CCSER1: variants seen among roughly 807,000 people sequenced by gnomAD.
CCSER1 encodes serine-rich coiled-coil domain-containing protein 1.
CCSER1 carries 41 observed loss-of-function variants against 82.0 expected under a neutral mutation model. The observed-to-expected ratio is 0.50, with a 90% CI of 0.39 to 0.65. CCSER1 has a LOEUF of 0.65. Ranked by LOEUF, CCSER1 falls within the 30% of genes least tolerant of loss-of-function variation. CCSER1 has a pLI of 0.00. For missense variants in CCSER1, 1,119 were observed against 1,064.2 expected (o/e 1.05, Z -0.72); for synonymous variants, 414 against 383.9 (o/e 1.08, Z -0.92).
intron 10 of CCSER1, among the ~76,000 whole-genome samples, chr4:91,193,384 A>T (rs956072857): frequency 2.0e-5 from 3 of 152,216 alleles, no homozygotes; most frequent in Admixed American, 2.0e-4. Flanking sequence ...TGTTCATAAT[A>T]TTGTGAACAT....
intron 10 of CCSER1, among the ~76,000 whole-genome samples, chr4:91,206,769 T>A (rs551095070): frequency 3.9e-5 from 6 of 152,016 alleles, no homozygotes; most frequent in African/African-American, 9.6e-5. Flanking sequence ...AGCCAGACTC[T>A]GTCCTGTTTC....
At chr4:90,327,224 A>C (rs10440368) in intron 3 of CCSER1, among the ~76,000 whole-genome samples, 102,986 of 152,008 alleles carry the variant, frequency 0.68, 36,832 homozygotes, top group African/African-American at 0.91. Context: ...TCTCCTCAAA[A>C]TATCTGTTCT....
At chr4:90,470,159 A>G (rs1454708497) in intron 5 of CCSER1, among the ~76,000 whole-genome samples, 2 of 152,094 alleles carry the variant, frequency 1.3e-5, no homozygotes, top group Admixed American at 6.6e-5. Flanking sequence ...AAATCTTGGT[A>G]TGTTTTCTTC....
At chr4:91,499,392 C>T (rs946908613) in intron 10 of CCSER1, among the ~76,000 whole-genome samples, 4 of 151,902 alleles carry the variant, frequency 2.6e-5, no homozygotes, top group Admixed American at 2.0e-4. Context: ...ATAATCCCTG[C>T]CCCTACACGT....
At chr4:91,205,314 G>A (rs1404477279) in intron 10 of CCSER1, among the ~76,000 whole-genome samples, 2 of 151,750 alleles carry the variant, frequency 1.3e-5, no homozygotes, top group Non-Finnish European at 3.0e-5. Context: ...GTTTCAGGAC[G>A]AAATACGTGA....
At chr4:91,505,408 C>T (rs543980642) in intron 10 of CCSER1, among the ~76,000 whole-genome samples, 3 of 152,236 alleles carry the variant, frequency 2.0e-5, no homozygotes, top group African/African-American at 4.8e-5. Context: ...TGAACATATG[C>T]GTGCATGTAT....
chr4:90,210,132 A>G (rs1739682588), intron 1 of CCSER1, among the ~76,000 whole-genome samples: 1 of 152,282 alleles, frequency 6.6e-6, no homozygotes, highest in Admixed American at 6.5e-5. Context: ...AGAAACAGCT[A>G]TGTAGGTAAA....
chr4:91,252,305 A>G (rs1163847957), intron 10 of CCSER1, among the ~76,000 whole-genome samples: 1 of 152,168 alleles, frequency 6.6e-6, no homozygotes, highest in Non-Finnish European at 1.5e-5. Context: ...TCTTATCACT[A>G]TACCTACTTA....
intron 9 of CCSER1, among the ~76,000 whole-genome samples, chr4:90,925,892 G>GT (rs1390594070): frequency 6.6e-6 from 1 of 152,056 alleles, no homozygotes; most frequent in African/African-American, 2.4e-5. Context: ...AAATATGCAT[G>GT]TAAAAACTTA....
chr4:90,294,789 A>G (rs987706413), intron 1 of CCSER1, among the ~76,000 whole-genome samples: 2 of 152,038 alleles, frequency 1.3e-5, no homozygotes, highest in Non-Finnish European at 2.9e-5. Flanking sequence ...GACAACCTCA[A>G]TTCAAAGGCC....
intron 3 of CCSER1, among the ~76,000 whole-genome samples, chr4:90,335,721 T>C (rs1229339290): frequency 6.6e-6 from 1 of 152,206 alleles, no homozygotes; most frequent in East Asian, 1.9e-4. Context: ...CTGTGCACTT[T>C]TAGTAAATGG....
chr4:90,915,239 T>C (rs1417201405), intron 8 of CCSER1, among the ~76,000 whole-genome samples: 1 of 152,154 alleles, frequency 6.6e-6, no homozygotes, highest in Non-Finnish European at 1.5e-5. Flanking sequence ...CCAATATCCA[T>C]GATGAACATT....
chr4:91,464,965 G>A (rs1183306622), intron 10 of CCSER1, among the ~76,000 whole-genome samples: 1 of 152,074 alleles, frequency 6.6e-6, no homozygotes, highest in Non-Finnish European at 1.5e-5. Flanking sequence ...AAGTGAACAA[G>A]GATATCCAGG....
At chr4:90,605,046 A>G (rs1416868598) in intron 5 of CCSER1, among the ~76,000 whole-genome samples, 1 of 152,118 alleles carries the variant, frequency 6.6e-6, no homozygotes, top group Non-Finnish European at 1.5e-5. Context: ...TTGGCAGTAA[A>G]TGTTGCTGCT....
chr4:91,077,167 C>G (rs1322852544), intron 9 of CCSER1, among the ~76,000 whole-genome samples: 7 of 152,060 alleles, frequency 4.6e-5, no homozygotes, highest in Admixed American at 3.9e-4. Context: ...TAGGGAACCC[C>G]CATTAAATAC....
At chr4:90,534,862 A>G in intron 5 of CCSER1, among the ~76,000 whole-genome samples, 1 of 152,208 alleles carries the variant, frequency 6.6e-6, no homozygotes, top group Non-Finnish European at 1.5e-5. Flanking sequence ...ATCTGCATTT[A>G]AGGGTGCTCT....
At chr4:90,923,991 T>G (rs1163974335) in intron 9 of CCSER1, among the ~76,000 whole-genome samples, 1 of 152,194 alleles carries the variant, frequency 6.6e-6, no homozygotes, top group African/African-American at 2.4e-5. Context: ...TTGTAAAACA[T>G]GTTTTAATAC....
At chr4:90,610,919 C>T (rs1481223155) in intron 5 of CCSER1, among the ~76,000 whole-genome samples, 1 of 152,008 alleles carries the variant, frequency 6.6e-6, no homozygotes, top group Non-Finnish European at 1.5e-5. Context: ...GCTCTTGTTG[C>T]CCAGGCTGGA....
At chr4:90,298,605 T>C (rs1243369415) in intron 1 of CCSER1, among the ~76,000 whole-genome samples, 1 of 152,152 alleles carries the variant, frequency 6.6e-6, no homozygotes, top group African/African-American at 2.4e-5. Context: ...ATTTTGGATC[T>C]TTCCTGCTTC....
Sources: allele counts gnomAD v4.1 joint callset (sites outside exome capture counted in the v4.1 genomes callset), GRCh38; gene constraint gnomAD v4.1.1; transcripts MANE v1.5; gene names NCBI Gene and HGNC (gene_info 2026-07-23, HGNC 2026-07-21).